KIRREL3: variants seen among roughly 807,000 people sequenced by gnomAD.
The protein encoded by KIRREL3 is kin of IRRE-like protein 3.
KIRREL3 carries 36 observed loss-of-function variants against 89.7 expected under a neutral mutation model. The observed-to-expected ratio is 0.40, with a 90% CI of 0.31 to 0.53. KIRREL3 has a LOEUF of 0.53. Among genes scored for constraint, KIRREL3 ranks in the 20% least tolerant of loss-of-function variants. The pLI, the probability that KIRREL3 is intolerant of heterozygous loss-of-function variation, is 0.49. For synonymous variants in KIRREL3, 445 were observed against 441.4 expected (o/e 1.01, Z -0.10); for missense variants, 864 against 1,056.6 (o/e 0.82, Z 2.53).
Position 126,750,137 on chromosome 11 carries a change from A to T in KIRREL3, c.56-187225T>A, listed in dbSNP as rs902221633. On this transcript the variant is annotated intron_variant, in intron 1 of 16. Transcript: ENST00000525144. The surrounding 1 kb of genome is among the most constrained non-coding windows in gnomAD (Gnocchi z 4.2). ...AATAAATAAGTGCCTTGCACATAGT[A>T]GGCACAGAATACACAATCATTGCTA... 6.6e-5 allele frequency among the ~76,000 whole-genome samples: 10 copies of T among 152,226 alleles called. No individual in the cohort carries two copies. Among genetic ancestry groups the T allele is most frequent in the Non-Finnish European group, 1.3e-4 (9 of 68,038 alleles).
chr11:126,500,022 A>G (rs576614308), intron 4 of KIRREL3, among the ~76,000 whole-genome samples: 1 of 152,332 alleles, frequency 6.6e-6, no homozygotes, highest in Admixed American at 6.5e-5. Flanking sequence ...GTGAAGGATA[A>G]ACGAGTGAAT....
Position 126,431,664 on chromosome 11 carries a change from G to T in KIRREL3, c.1589-138C>A. On this transcript the variant is annotated intron_variant, in intron 13 of 16. Transcript: ENST00000525144. This position sits in a 1 kb window ranked among gnomAD's most constrained non-coding sequence, Gnocchi z 7.1. Reference sequence around the variant, plus strand: ...GAAATGCCTCAGTGGGGCCTGGGCAGGCACAGGCCGAGTCCAACTGGGGTC... The same window carrying T: ...GAAATGCCTCAGTGGGGCCTGGGCATGCACAGGCCGAGTCCAACTGGGGTC... 2.4e-6 allele frequency: 2 copies of T among 831,964 alleles called. No homozygotes were observed. The highest frequency in any genetic ancestry group is 3.8e-6 in the Non-Finnish European group (2 of 526,998). The allele number at this position is 831,964 out of a possible 1,614,324, so 51.5% of individuals were successfully genotyped here.
intron 2 of KIRREL3, among the ~76,000 whole-genome samples, chr11:126,539,932 A>G (rs924108744): frequency 6.6e-6 from 1 of 152,232 alleles, no homozygotes; most frequent in Non-Finnish European, 1.5e-5. Flanking sequence ...TAAGAGGGAC[A>G]AGGTTACTCC....
At chr11:126,894,532 G>A (rs111534858) in intron 1 of KIRREL3, among the ~76,000 whole-genome samples, 40,616 of 92,464 alleles carry the variant, frequency 0.44, 7,027 homozygotes, top group Admixed American at 0.56. Flanking sequence ...AACATAATGA[G>A]ACCTCATCTC....
Position 126,521,168 on chromosome 11 carries a change from G to T in KIRREL3, c.433+147C>A. On this transcript the variant is annotated intron_variant, in intron 4 of 16. Transcript: ENST00000525144. The surrounding 1 kb of genome is among the most constrained non-coding windows in gnomAD (Gnocchi z 4.1). ...CCGTTTGGGTGGGAAGGTGGGCATG[G>T]ATATTGTGGAAGCAGCAGTGTCTGG... 1 of 832,424 alleles carries T rather than the reference G, an allele frequency of 1.2e-6. No homozygotes were observed. Among genetic ancestry groups the T allele is most frequent in the Non-Finnish European group, 1.7e-6 (1 of 587,570 alleles). The allele number at this position is 832,424 out of a possible 1,614,324, so 51.6% of individuals were successfully genotyped here.
At chr11:126,964,972 T>A (rs1949219611) in intron 1 of KIRREL3, among the ~76,000 whole-genome samples, 1 of 152,202 alleles carries the variant, frequency 6.6e-6, no homozygotes, top group Non-Finnish European at 1.5e-5. Flanking sequence ...CACTTCATGT[T>A]CAAAGTACTT....
rs1344651809 is a variant in KIRREL3 at position 126,474,474 on chromosome 11, G to A, written c.434-1008C>T. Reference sequence around the variant, plus strand: ...GGCCCCTTCCCTGGCAGGGAGCAGGGTACAGGGCAGCCCTTCACAGTGGAG... The same window carrying A: ...GGCCCCTTCCCTGGCAGGGAGCAGGATACAGGGCAGCCCTTCACAGTGGAG... On this transcript the variant is annotated intron_variant, in intron 4 of 16. Coordinates refer to ENST00000525144, the MANE Select transcript of KIRREL3 (RefSeq NM_032531.4). This position sits in a 1 kb window ranked among gnomAD's most constrained non-coding sequence, Gnocchi z 6.7. 6.6e-6 allele frequency among the ~76,000 whole-genome samples: 1 copy of A among 152,212 alleles called. No homozygotes were observed. Among genetic ancestry groups the A allele is most frequent in the African/African-American group, 2.4e-5 (1 of 41,466 alleles).
Position 126,425,704 on chromosome 11 carries a change from C to A in KIRREL3, c.1827G>T (p.Gln609His), listed in dbSNP as rs1234535402. ...CCAGCTGTTTCAGGACTGAGTCTTG[C>A]TGGAATTCACCCCGGTCCATCTGCA... ...KQLMMDRGEF[Q>H]QDSVLKQLEV... Residue 609 changes from glutamine to histidine, a missense_variant, in exon 16 of 17, where the codon CAG becomes CAT. Gln to His is a conservative substitution (Grantham distance 24). Coordinates refer to ENST00000525144, the MANE Select transcript of KIRREL3 (RefSeq NM_032531.4). The A allele has an allele frequency of 6.3e-7, 1 of 1,597,400 alleles. No homozygotes were observed. Among genetic ancestry groups the A allele is most frequent in the Non-Finnish European group, 8.5e-7 (1 of 1,171,292 alleles).
intron 6 of KIRREL3, 47 bp from the exon 7 acceptor site, chr11:126,456,501 C>T: frequency 7.9e-7 from 1 of 1,269,126 alleles, no homozygotes; most frequent in South Asian, 1.3e-5. Flanking sequence ...AGAATGGGGG[C>T]AGGGAGATCC....
At chr11:126,968,917 T>C (rs914916788) in intron 1 of KIRREL3, among the ~76,000 whole-genome samples, 1 of 152,136 alleles carries the variant, frequency 6.6e-6, no homozygotes, top group Non-Finnish European at 1.5e-5. Context: ...AGTTCCCTCA[T>C]CTGTAAAAAA....
intron 1 of KIRREL3, among the ~76,000 whole-genome samples, chr11:126,865,297 G>A (rs1169774264): frequency 6.6e-6 from 1 of 152,236 alleles, no homozygotes; most frequent in African/African-American, 2.4e-5. Flanking sequence ...CCTCCCTGCA[G>A]ACTAAGAAGG....
In KIRREL3 at chr11:126,550,538, C is replaced by G. The variant is rs1301290786; in HGVS notation, c.133+12297G>C. 1 of 152,238 alleles carries G rather than the reference C, an allele frequency of 6.6e-6. No individual in the cohort carries two copies. Among genetic ancestry groups the G allele is most frequent in the Admixed American group, 6.5e-5 (1 of 15,274 alleles). 9.4% of individuals were successfully genotyped at this position (152,238 alleles called of 1,614,324 possible). On this transcript the variant is annotated intron_variant, in intron 2 of 16. Transcript: ENST00000525144. This position sits in a 1 kb window ranked among gnomAD's most constrained non-coding sequence, Gnocchi z 4.9. The stretch of plus-strand genomic sequence containing the variant: ...TGGTGGGTGCCTGTAATCCCAGCTA[C>G]TCAGGAGGCTGAGGCAGGAGAATCG...
rs376035244 is a variant in KIRREL3 at position 126,431,397 on chromosome 11, A to G, written c.1696+22T>C. On this transcript the variant is annotated intron_variant, in intron 14 of 16. Transcript: ENST00000525144. This position sits in a 1 kb window ranked among gnomAD's most constrained non-coding sequence, Gnocchi z 7.1. ...CTTTTTCTCTGTCCCCCTCCCTGAG[A>G]TCCCGGATCTCCCTCCCGTACTTCT... 5 of 1,613,656 alleles carry G rather than the reference A, an allele frequency of 3.1e-6. No individual in the cohort carries two copies. In the African/African-American group the frequency reaches 5.3e-5, roughly 17 times the overall value.
chr11:126,790,658 C>A (rs1310020218), intron 1 of KIRREL3, among the ~76,000 whole-genome samples: 1 of 152,120 alleles, frequency 6.6e-6, no homozygotes, highest in Non-Finnish European at 1.5e-5. Flanking sequence ...AACAACATAA[C>A]CAGGAATGAG....
At chr11:126,540,624 T>C (rs1470113418) in intron 2 of KIRREL3, among the ~76,000 whole-genome samples, 1 of 152,086 alleles carries the variant, frequency 6.6e-6, no homozygotes, top group African/African-American at 2.4e-5. Context: ...GATTCTTCCA[T>C]CGATCCAGCC....
intron 7 of KIRREL3, among the ~76,000 whole-genome samples, chr11:126,450,926 T>C (rs544793907): frequency 6.6e-6 from 1 of 150,892 alleles, no homozygotes; most frequent in East Asian, 2.0e-4. Flanking sequence ...CACGTGCATG[T>C]GTGCATGTGT....
chr11:126,859,550 T>A (rs1944641831), intron 1 of KIRREL3, among the ~76,000 whole-genome samples: 1 of 152,140 alleles, frequency 6.6e-6, no homozygotes. Context: ...CCAAACTATA[T>A]CTGAGCTGCA....
chr11:126,648,462 C>A (rs559634700), intron 1 of KIRREL3, among the ~76,000 whole-genome samples: 1 of 152,288 alleles, frequency 6.6e-6, no homozygotes, highest in Non-Finnish European at 1.5e-5. Context: ...TGGGGACTGA[C>A]CATCTTATTT....
At chr11:126,444,110 G>A (rs1484252785) in intron 10 of KIRREL3, among the ~76,000 whole-genome samples, 1 of 152,178 alleles carries the variant, frequency 6.6e-6, no homozygotes, top group Non-Finnish European at 1.5e-5. Context: ...GGCCTGGTGT[G>A]ATGCCCTTGT....
Sources: gnomAD v4.1 joint callset for allele counts (sites outside exome capture counted in the v4.1 genomes callset) on GRCh38, gnomAD v4.1.1 for gene constraint, Gnocchi (gnomAD v3.1) non-coding constraint, MANE v1.5 for transcripts, NCBI Gene and HGNC (gene_info 2026-07-23, HGNC 2026-07-21) for gene names.